The following HS3ST4 variants were observed in gnomAD, a reference collection of about 807,000 sequenced individuals.
HS3ST4 encodes the protein heparan sulfate-glucosamine 3-sulfotransferase 4, also known as heparan sulfate glucosamine 3-O-sulfotransferase 4.
Under a neutral mutation model 29.2 loss-of-function variants are expected in HS3ST4, and 17 were observed. The observed-to-expected ratio is 0.58, with a 90% CI of 0.40 to 0.87. The LOEUF is 0.87. Among genes scored for constraint, HS3ST4 ranks in the 40% least tolerant of loss-of-function variants. The probability of loss-of-function intolerance (pLI) is 0.00; values close to 1 mark genes in which losing one functional copy is unlikely to be tolerated. For missense variants in HS3ST4, 627 were observed against 634.5 expected, an observed-to-expected ratio of 0.99 and a Z score of 0.13; for synonymous variants, 314 against 285.7, an observed-to-expected ratio of 1.10 and a Z score of -1.00.
intron 1 of HS3ST4, among the ~76,000 whole-genome samples, chr16:25,894,357 C>G (rs1034539888): frequency 1.3e-5 from 2 of 152,114 alleles, no homozygotes; most frequent in African/African-American, 4.8e-5. Context: ...GTCAATAAAT[C>G]ATTGATGTTG....
intron 1 of HS3ST4, among the ~76,000 whole-genome samples, chr16:25,717,581 A>G (rs981730442): frequency 1.3e-5 from 2 of 149,122 alleles, no homozygotes; most frequent in African/African-American, 5.0e-5. Context: ...AGGAAATAGC[A>G]TGTGTAAAAA....
intron 1 of HS3ST4, among the ~76,000 whole-genome samples, chr16:25,769,531 A>G (rs983372475): frequency 6.6e-6 from 1 of 152,134 alleles, no homozygotes; most frequent in Non-Finnish European, 1.5e-5. Context: ...ATGCTCTGAA[A>G]TCTTAGCCGT....
Position 26,073,487 on chromosome 16 carries a change from A to T in HS3ST4, c.735-62125A>T, listed in dbSNP as rs371570954. 1.4e-3 allele frequency among the ~76,000 whole-genome samples: 217 copies of T among 152,044 alleles called. 1 individual carries two copies. The South Asian group carries it at 0.044, about 31-fold the overall frequency. On this transcript the variant is annotated intron_variant, in intron 1 of 1. Transcript: ENST00000331351. ...CCTCCCAGGCTCAGGTGACCCTCCC[A>T]CCATAGCCTCCCAAGTAGCTGGGAC...
chr16:25,725,953 T>C (rs1966532152), intron 1 of HS3ST4, among the ~76,000 whole-genome samples: 1 of 152,218 alleles, frequency 6.6e-6, no homozygotes. Context: ...TGCCTTGCAG[T>C]CAGAAATGCA....
chr16:25,846,699 A>T (rs1462934891), intron 1 of HS3ST4, among the ~76,000 whole-genome samples: 1 of 152,138 alleles, frequency 6.6e-6, no homozygotes, highest in Non-Finnish European at 1.5e-5. Flanking sequence ...AATTAAAAAA[A>T]TTTTCTAATA....
chr16:25,718,126 G>A (rs903942544), intron 1 of HS3ST4, among the ~76,000 whole-genome samples: 8 of 152,114 alleles, frequency 5.3e-5, no homozygotes, highest in African/African-American at 1.9e-4. Context: ...ACAGGAGCAG[G>A]GTTGGGGGTA....
intron 1 of HS3ST4, among the ~76,000 whole-genome samples, chr16:25,954,712 G>C (rs931360620): frequency 6.6e-6 from 1 of 152,064 alleles, no homozygotes; most frequent in Admixed American, 6.5e-5. Context: ...GAGCACCAAG[G>C]TGACTCTCAA....
intron 1 of HS3ST4, among the ~76,000 whole-genome samples, chr16:25,770,373 A>T (rs1005455812): frequency 6.6e-6 from 1 of 152,162 alleles, no homozygotes; most frequent in Non-Finnish European, 1.5e-5. Flanking sequence ...AGTGCCTTAC[A>T]TGATCATCTC....
intron 1 of HS3ST4, among the ~76,000 whole-genome samples, chr16:26,107,855 C>T (rs1420058820): frequency 6.6e-6 from 1 of 152,112 alleles, no homozygotes; most frequent in East Asian, 1.9e-4. Flanking sequence ...GATAAACATA[C>T]GTGTGCAGGT....
intron 1 of HS3ST4, among the ~76,000 whole-genome samples, chr16:25,725,627 G>A (rs558266589): frequency 2.0e-5 from 3 of 151,540 alleles, no homozygotes; most frequent in Non-Finnish European, 4.4e-5. Context: ...ACAATTGGAT[G>A]CAATTTGAAA....
intron 1 of HS3ST4, among the ~76,000 whole-genome samples, chr16:25,908,052 T>C (rs1024612370): frequency 1.3e-5 from 2 of 152,174 alleles, no homozygotes; most frequent in Non-Finnish European, 2.9e-5. Context: ...GTGTTTGTGA[T>C]AGAAGAGGGG....
intron 1 of HS3ST4, among the ~76,000 whole-genome samples, chr16:26,020,366 A>C (rs1047377303): frequency 2.0e-5 from 3 of 152,180 alleles, no homozygotes; most frequent in Non-Finnish European, 2.9e-5. Context: ...AGATATACGA[A>C]GAGGCATTAG....
At chr16:26,051,397 C>T (rs1246154137) in intron 1 of HS3ST4, among the ~76,000 whole-genome samples, 2 of 152,116 alleles carry the variant, frequency 1.3e-5, no homozygotes, top group East Asian at 1.9e-4. Flanking sequence ...GAGCATGATT[C>T]CAGGAAGCCC....
At chr16:26,017,040 C>T (rs1567294468) in intron 1 of HS3ST4, among the ~76,000 whole-genome samples, 1 of 152,170 alleles carries the variant, frequency 6.6e-6, no homozygotes, top group Admixed American at 6.5e-5. Flanking sequence ...AGGGACTATA[C>T]ACAGCAGAGC....
chr16:25,889,921 CTCTT>C (rs1339028021), intron 1 of HS3ST4, among the ~76,000 whole-genome samples: 2 of 138,184 alleles, frequency 1.4e-5, no homozygotes, highest in East Asian at 2.2e-4. Context: ...CTCTCTCTCT[CTCTT>C]GCCTGCTGCC....
chr16:26,045,395 GA>G (rs1446689255), intron 1 of HS3ST4, among the ~76,000 whole-genome samples: 1 of 152,066 alleles, frequency 6.6e-6, no homozygotes, highest in Non-Finnish European at 1.5e-5. Context: ...GTACTTATTT[GA>G]CCGAAGAACT....
At chr16:26,098,805 G>A (rs542000722) in intron 1 of HS3ST4, among the ~76,000 whole-genome samples, 6 of 152,070 alleles carry the variant, frequency 3.9e-5, no homozygotes, top group African/African-American at 1.4e-4. Context: ...TGCTGTGCAG[G>A]GGGGTAGATG....
rs917411120 is a variant in HS3ST4, at chr16:25,770,816, C to T, written c.734+77665C>T. Among the ~76,000 whole-genome samples the T allele has an allele frequency of 3.3e-5, 5 of 152,310 alleles. No individual in the cohort carries two copies. In the East Asian group the frequency reaches 9.6e-4, roughly 29 times the overall value. On this transcript the variant is annotated intron_variant, in intron 1 of 1. Transcript: ENST00000331351. ...AAAGCAATTAGTTTGGATGACATTTCTGATTGGCTTCCATATCATACTATT... is the reference window on the plus strand; with the variant it reads ...AAAGCAATTAGTTTGGATGACATTTTTGATTGGCTTCCATATCATACTATT...
chr16:25,913,377 C>G (rs1408769257), intron 1 of HS3ST4, among the ~76,000 whole-genome samples: 2 of 152,214 alleles, frequency 1.3e-5, no homozygotes, highest in Non-Finnish European at 2.9e-5. Flanking sequence ...GCCTGTGCAC[C>G]CCTTCCACCA....
Sources: gnomAD v4.1 joint callset for allele counts (sites outside exome capture counted in the v4.1 genomes callset) on GRCh38, gnomAD v4.1.1 for gene constraint, MANE v1.5 for transcripts, NCBI Gene and HGNC (gene_info 2026-07-23, HGNC 2026-07-21) for gene names.